BMPR1A: variants seen among roughly 807,000 people sequenced by gnomAD.
The protein encoded by BMPR1A is bone morphogenetic protein receptor type 1A.
In BMPR1A, 7 loss-of-function variants were observed where a neutral mutation model predicts 66.0. That is an observed-to-expected ratio of 0.11 (90% CI 0.06 to 0.20). The LOEUF is 0.20. Among genes scored for constraint, BMPR1A ranks in the 10% least tolerant of loss-of-function variants. The pLI is 1.00. For synonymous variants in BMPR1A, 200 were observed against 229.7 expected (o/e 0.87, Z 1.17); for missense variants, 408 against 669.1 (o/e 0.61, Z 4.31).
chr10:86,868,274 C>G (rs1842809293), intron 2 of BMPR1A, among the ~76,000 whole-genome samples: 1 of 152,212 alleles, frequency 6.6e-6, no homozygotes, highest in Non-Finnish European at 1.5e-5. Flanking sequence ...ACTCTTTAAG[C>G]AAGTTATTTT....
intron 1 of BMPR1A, among the ~76,000 whole-genome samples, chr10:86,757,247 C>A (rs1847888485): frequency 1.3e-5 from 2 of 152,140 alleles, no homozygotes; most frequent in Non-Finnish European, 2.9e-5. Context: ...CTCACCTCCC[C>A]GCCCCGGAGC....
At chr10:86,893,088 G>A (rs1843175793) in intron 5 of BMPR1A, among the ~76,000 whole-genome samples, 1 of 151,996 alleles carries the variant, frequency 6.6e-6, no homozygotes, top group African/African-American at 2.4e-5. Context: ...AGGTTGTCAT[G>A]ACTGCAAAAA....
At chr10:86,768,383 C>T (rs1366737452) in intron 1 of BMPR1A, among the ~76,000 whole-genome samples, 1 of 152,016 alleles carries the variant, frequency 6.6e-6, no homozygotes, top group South Asian at 2.1e-4. Context: ...CCCCCCACCC[C>T]CATGTGTTTG....
chr10:86,909,576 G>C (rs113623711), intron 7 of BMPR1A, among the ~76,000 whole-genome samples: 4 of 146,146 alleles, frequency 2.7e-5, no homozygotes, highest in African/African-American at 5.2e-5. Context: ...ACAAGAGTGA[G>C]ACCCTATCTC....
At chr10:86,930,880 A>G (rs902042897), downstream of BMPR1A, 1 of 152,156 alleles carries the variant, frequency 6.6e-6, no homozygotes, top group Non-Finnish European at 1.5e-5. Context: ...AGCTGGGACC[A>G]TGCCACCATG....
At chr10:86,878,385 T>A (rs1243094089) in intron 3 of BMPR1A, among the ~76,000 whole-genome samples, 1 of 152,238 alleles carries the variant, frequency 6.6e-6, no homozygotes, top group Non-Finnish European at 1.5e-5. Flanking sequence ...AGATACTTAG[T>A]TCTTATTTTT....
At chr10:86,889,377 T>C (rs1843116063) in intron 3 of BMPR1A, among the ~76,000 whole-genome samples, 1 of 152,184 alleles carries the variant, frequency 6.6e-6, no homozygotes, top group African/African-American at 2.4e-5. Context: ...CTTAAGCAAT[T>C]AAAGGCCAAA....
chr10:86,855,325 A>G (rs1285857353), intron 2 of BMPR1A: 2 of 937,226 alleles, frequency 2.1e-6, no homozygotes, highest in Non-Finnish European at 3.0e-6. Context: ...CAAAACTTTA[A>G]GTAAGTTTCT....
chr10:86,856,537 A>G (rs1351414007), intron 2 of BMPR1A, among the ~76,000 whole-genome samples: 1 of 152,230 alleles, frequency 6.6e-6, no homozygotes, highest in African/African-American at 2.4e-5. Flanking sequence ...GACTAGTATA[A>G]CTTTGGTACC....
chr10:86,850,366 A>G (rs1040411852), intron 2 of BMPR1A, among the ~76,000 whole-genome samples: 1 of 151,802 alleles, frequency 6.6e-6, no homozygotes, highest in African/African-American at 2.4e-5. Flanking sequence ...TATTTCCAGG[A>G]TGCTTAAATT....
At chr10:86,908,429 A>T (rs938473440) in intron 7 of BMPR1A, among the ~76,000 whole-genome samples, 2 of 152,122 alleles carry the variant, frequency 1.3e-5, no homozygotes, top group Non-Finnish European at 2.9e-5. Flanking sequence ...GATAGGCAGG[A>T]GGTGTTCAGT....
At chr10:86,868,778 G>GTTTTTTTTTTTT (rs55872033) in intron 2 of BMPR1A, among the ~76,000 whole-genome samples, 3,502 of 140,332 alleles carry the variant, frequency 0.025, 137 homozygotes, top group African/African-American at 0.082. Flanking sequence ...CTTTTCCTGT[G>GTTTTTTTTTTTT]TTTTTTTTTT....
At chr10:86,797,248 TGAGACGGAG>T (rs1180557355) in intron 1 of BMPR1A, among the ~76,000 whole-genome samples, 17 of 100,444 alleles carry the variant, frequency 1.7e-4, no homozygotes, top group South Asian at 3.8e-4. Context: ...TTTTTTTTTT[TGAGACGGAG>T]TCTTGCTCTG....
At chr10:86,857,986 A>G (rs1235049645) in intron 2 of BMPR1A, among the ~76,000 whole-genome samples, 4 of 152,122 alleles carry the variant, frequency 2.6e-5, no homozygotes, top group African/African-American at 9.7e-5. Context: ...GAAGTCACTC[A>G]GTTTAACCTA....
intron 5 of BMPR1A, among the ~76,000 whole-genome samples, chr10:86,897,805 T>C (rs1843247105): frequency 6.6e-6 from 1 of 152,106 alleles, no homozygotes; most frequent in South Asian, 2.1e-4. Context: ...GGGGTCTCAC[T>C]ATTTTGCCCA....
At chr10:86,810,181 A>T (rs4934267) in intron 1 of BMPR1A, among the ~76,000 whole-genome samples, 61 of 152,016 alleles carry the variant, frequency 4.0e-4, no homozygotes, top group African/African-American at 1.4e-3. Context: ...GGGTTTCACC[A>T]TGTTGGCCAG....
intron 1 of BMPR1A, among the ~76,000 whole-genome samples, chr10:86,809,778 C>A (rs1001684753): frequency 2.0e-5 from 3 of 151,892 alleles, no homozygotes; most frequent in Admixed American, 1.3e-4. Flanking sequence ...AACAATAACT[C>A]TGTAGTATTC....
At chr10:86,760,681 C>G (rs1014840432) in intron 1 of BMPR1A, among the ~76,000 whole-genome samples, 2 of 148,842 alleles carry the variant, frequency 1.3e-5, no homozygotes, top group Admixed American at 6.6e-5. Context: ...CCTGATCTGA[C>G]TATTGGATCT....
At chr10:86,835,611 A>T (rs1842336161) in intron 1 of BMPR1A, among the ~76,000 whole-genome samples, 1 of 147,348 alleles carries the variant, frequency 6.8e-6, no homozygotes, top group Non-Finnish European at 1.5e-5. Flanking sequence ...TAGATTGAGT[A>T]AAAGAATATT....
Sources: allele counts gnomAD v4.1 joint callset (sites outside exome capture counted in the v4.1 genomes callset), GRCh38; gene constraint gnomAD v4.1.1; transcripts MANE v1.5; gene names NCBI Gene and HGNC (gene_info 2026-07-23, HGNC 2026-07-21).